C4orf50: variants seen among roughly 807,000 people sequenced by gnomAD.
C4orf50 encodes the protein chromosome 4 open reading frame 50.
Under a neutral mutation model 77.2 loss-of-function variants are expected in C4orf50, and 80 were observed. The ratio of observed to expected loss-of-function variants is 1.04; its 90% CI spans 0.87 to 1.25. The LOEUF is 1.25. Among genes scored for constraint, C4orf50 ranks in the 50% most tolerant of loss-of-function variants. The pLI is 0.00. For synonymous variants in C4orf50, 532 were observed against 465.3 expected, an observed-to-expected ratio of 1.14 and a Z score of -1.84; for missense variants, 1,257 against 1,152.9, an observed-to-expected ratio of 1.09 and a Z score of -1.31.
exon 34 of C4orf50, chr4:5,959,183 G>C: frequency 1.6e-6 from 1 of 642,084 alleles, no homozygotes; most frequent in Non-Finnish European, 2.6e-6. Context: ...AAACTCCTCA[G>C]AATTTGCCAG....
At chr4:5,994,235 G>A in intron 26 of C4orf50, 112 bp downstream of exon 4, 1 of 396,998 alleles carries the variant, frequency 2.5e-6, no homozygotes. Context: ...TGTAGGGAGG[G>A]GGGACCACCC....
At position 6,007,938 on chromosome 4, in the gene C4orf50, G is replaced by T; in HGVS notation, c.963+58C>A. The T allele has an allele frequency of 2.5e-6, 1 of 399,242 alleles. No individual in the cohort carries two copies. The highest frequency in any genetic ancestry group is 4.4e-6 in the Non-Finnish European group (1 of 226,342). The allele number at this position is 399,242 out of a possible 1,614,324, so 24.7% of individuals were successfully genotyped here. On this transcript the variant is annotated intron_variant, in intron 25 of 33. Coordinates refer to ENST00000531445, the Ensembl canonical transcript of C4orf50. This position sits in a 1 kb window ranked among gnomAD's most constrained non-coding sequence, Gnocchi z 4.1. ...GATGGGCCAATGACTTCACCAAGTG[G>T]CTGGAGGAGAAGGAGAAAGGCAAAA...
chr4:5,964,336 C>CA (rs11452103), intron 33 of C4orf50, among the ~76,000 whole-genome samples: 49,219 of 152,002 alleles, frequency 0.32, 8,279 homozygotes, highest in African/African-American at 0.37. Flanking sequence ...AGCACTGGAA[C>CA]TCCTTGTCGA....
intron 23 of C4orf50, among the ~76,000 whole-genome samples, chr4:6,014,655 GC>G (rs987224981): frequency 8.5e-5 from 13 of 152,186 alleles, no homozygotes; most frequent in African/African-American, 3.1e-4. Context: ...CCTGGCCTCA[GC>G]TTTTAGCAGC....
At position 5,966,135 on chromosome 4, in the gene C4orf50, T is replaced by C. The variant is rs115889044; in HGVS notation, c.4154-990A>G. 4.1e-3 allele frequency among the ~76,000 whole-genome samples: 631 copies of C among 152,282 alleles called. 5 individuals carry two copies. The highest frequency in any genetic ancestry group is 0.014 in the African/African-American group (591 of 41,548). ...TGAAATAAAAAAGAGTAAAACAAGG[T>C]CCAGGAAAATTCTGTCTGGTCAGAT... On this transcript the variant is annotated intron_variant, in intron 32 of 33. Coordinates refer to ENST00000531445, the Ensembl canonical transcript of C4orf50.
At position 6,011,326 on chromosome 4, in the gene C4orf50, C is replaced by T. The variant is rs1013910896; in HGVS notation, c.426+504G>A. On this transcript the variant is annotated intron_variant, in intron 24 of 33. Transcript: ENST00000531445. This position sits in a 1 kb window ranked among gnomAD's most constrained non-coding sequence, Gnocchi z 4.2. ...GTGATATCCTCTGTGTTCTCCCACA[C>T]CTCTGTGCTACGGCCCCGTGCTGTC... Among the ~76,000 whole-genome samples the T allele has an allele frequency of 8.5e-5, 13 of 152,136 alleles. No homozygotes were observed. The highest frequency in any genetic ancestry group is 3.1e-4 in the African/African-American group (13 of 41,418).
intron 7 of C4orf50, among the ~76,000 whole-genome samples, chr4:5,925,701 G>A (rs568952780): frequency 6.6e-6 from 1 of 152,382 alleles, no homozygotes; most frequent in East Asian, 1.9e-4. Flanking sequence ...GCCCAGACAT[G>A]GCCCTGGCCT....
At position 6,015,204 on chromosome 4, in the gene C4orf50, G is replaced by A. The variant is rs1229497587; in HGVS notation, c.287+2941C>T. 6.6e-6 allele frequency among the ~76,000 whole-genome samples: 1 copy of A among 152,158 alleles called. No homozygotes were observed. The highest frequency in any genetic ancestry group is 1.5e-5 in the Non-Finnish European group (1 of 68,048). The stretch of plus-strand genomic sequence containing the variant: ...GCCTAACCCCCAAGTTCCTTAGAAT[G>A]TGATTATATTTGGAGATAAGCCCTT... On this transcript the variant is annotated intron_variant, in intron 23 of 33. Transcript: ENST00000531445. This position sits in a 1 kb window ranked among gnomAD's most constrained non-coding sequence, Gnocchi z 4.4.
intron 7 of C4orf50, among the ~76,000 whole-genome samples, chr4:5,914,488 G>A (rs1337137583): frequency 6.6e-6 from 1 of 152,150 alleles, no homozygotes; most frequent in East Asian, 1.9e-4. Context: ...ACAGGTGTGA[G>A]CCACCGCGCC....
chr4:5,909,020 G>A (rs796716946), intron 7 of C4orf50, among the ~76,000 whole-genome samples: 47 of 152,184 alleles, frequency 3.1e-4, no homozygotes, highest in African/African-American at 1.1e-3. Flanking sequence ...GCCTCAGGCT[G>A]TCCCCACACA....
chr4:5,937,598 C>A (rs1302188168), intron 7 of C4orf50, among the ~76,000 whole-genome samples: 1 of 152,068 alleles, frequency 6.6e-6, no homozygotes, highest in Non-Finnish European at 1.5e-5. Flanking sequence ...TTATCATAAT[C>A]ATTATAATGG....
chr4:5,980,443 G>A (rs923788881), intron 28 of C4orf50, 105 bp from the exon 7 acceptor site: 2 of 843,690 alleles, frequency 2.4e-6, no homozygotes, highest in Non-Finnish European at 1.8e-6. Flanking sequence ...TTTTTTTTTT[G>A]TTGTTGTTGT....
chr4:5,933,339 A>C (rs1717848885), intron 7 of C4orf50, among the ~76,000 whole-genome samples: 1 of 152,228 alleles, frequency 6.6e-6, no homozygotes, highest in Admixed American at 6.5e-5. Context: ...GAAAAGATCC[A>C]AGGTCCCGAG....
At chr4:5,981,901 C>T (rs1390528313) in intron 28 of C4orf50, among the ~76,000 whole-genome samples, 2 of 151,984 alleles carry the variant, frequency 1.3e-5, no homozygotes, top group African/African-American at 4.8e-5. Context: ...CAAAACTCAT[C>T]CCGACCTAGC....
intron 7 of C4orf50, among the ~76,000 whole-genome samples, chr4:5,914,073 C>T (rs577600238): frequency 5.1e-4 from 78 of 151,890 alleles, no homozygotes; most frequent in Non-Finnish European, 6.2e-4. Context: ...AAAATGCCTA[C>T]AAGACTAGAT....
At chr4:5,935,940 T>A (rs1472652222) in intron 7 of C4orf50, among the ~76,000 whole-genome samples, 4 of 152,048 alleles carry the variant, frequency 2.6e-5, no homozygotes, top group African/African-American at 9.7e-5. Flanking sequence ...ATAGAGACCA[T>A]AAAGTGGATT....
chr4:5,975,706 C>A (rs185119969), intron 30 of C4orf50, among the ~76,000 whole-genome samples, 193 bp downstream of exon 8: 182 of 152,174 alleles, frequency 1.2e-3, no homozygotes, highest in African/African-American at 4.1e-3. Context: ...CCAGGCCGGT[C>A]TCAAACTCCT....
In C4orf50 at chr4:6,009,602, C is replaced by T. The variant is rs1387246291; in HGVS notation, c.427-1070G>A. On this transcript the variant is annotated intron_variant, in intron 24 of 33. Coordinates refer to ENST00000531445, the Ensembl canonical transcript of C4orf50. This position sits in a 1 kb window ranked among gnomAD's most constrained non-coding sequence, Gnocchi z 5.6. Reference sequence around the variant, plus strand: ...GGGATTTCAGAGCCTAGATGGTCTGCCTTTGACAGCTTTCAGAATGACCGC... The same window carrying T: ...GGGATTTCAGAGCCTAGATGGTCTGTCTTTGACAGCTTTCAGAATGACCGC... 6.6e-6 allele frequency among the ~76,000 whole-genome samples: 1 copy of T among 152,138 alleles called. No homozygotes were observed. Among genetic ancestry groups the T allele is most frequent in the African/African-American group, 2.4e-5 (1 of 41,424 alleles).
rs1036833876 is a variant in C4orf50 at position 6,018,036 on chromosome 4, G to T, written c.287+109C>A. On this transcript the variant is annotated intron_variant, in intron 23 of 33. Transcript: ENST00000531445. The surrounding 1 kb of genome is among the most constrained non-coding windows in gnomAD (Gnocchi z 5.1). ...CGTGGGCAGGTTACGTGTCTTTGGT[G>T]AGCCAGTTTCCCCAGCTGTGTGGTG... The T allele has an allele frequency of 2.5e-6, 1 of 397,616 alleles. No individual in the cohort carries two copies. The highest frequency in any genetic ancestry group is 4.4e-6 in the Non-Finnish European group (1 of 225,954). The allele number at this position is 397,616 out of a possible 1,614,324, so 24.6% of individuals were successfully genotyped here. A position where few individuals can be genotyped will look rare whatever the true frequency, so the allele number is the denominator to read the frequency against.
Sources: allele counts gnomAD v4.1 joint callset (sites outside exome capture counted in the v4.1 genomes callset), GRCh38; gene constraint gnomAD v4.1.1; non-coding constraint Gnocchi (gnomAD v3.1); transcripts MANE v1.5; gene names NCBI Gene and HGNC (gene_info 2026-07-23, HGNC 2026-07-21).